Variants in SLC2A4RG observed in about 807,000 individuals in gnomAD.
SLC2A4RG encodes the protein SLC2A4 regulator.
A neutral mutation model predicts 35.5 loss-of-function variants in SLC2A4RG; 23 were observed. The observed-to-expected ratio is 0.65, with a 90% CI of 0.47 to 0.92. SLC2A4RG has a LOEUF of 0.92. Among genes scored for constraint, SLC2A4RG ranks in the 40% least tolerant of loss-of-function variants. The probability of loss-of-function intolerance (pLI) is 0.00; values close to 1 mark genes in which losing one functional copy is unlikely to be tolerated. For missense variants in SLC2A4RG, 539 were observed against 525.0 expected (o/e 1.03, Z -0.26); for synonymous variants, 306 against 243.7 (o/e 1.26, Z -2.38).
chr20:63,741,314 G>A, intron 2 of SLC2A4RG, 56 bp from the exon 3 acceptor site: 2 of 1,542,154 alleles, frequency 1.3e-6, no homozygotes, highest in South Asian at 1.1e-5. Flanking sequence ...GACCGACCAG[G>A]GGAGGGGCCC....
In SLC2A4RG at chr20:63,743,402, G is replaced by A. The variant is rs937337874; in HGVS notation, c.*412G>A. The A allele has an allele frequency of 6.1e-6, 1 of 164,858 alleles. No individual in the cohort carries two copies. The highest frequency in any genetic ancestry group is 2.4e-5 in the African/African-American group (1 of 41,802). 10.2% of individuals were successfully genotyped at this position (164,858 alleles called of 1,614,324 possible). ...TCGCACTTAACTCAACGGCTCTCGGGCCCTGGGGCTGTTTTTACCATGTTT... is the reference window on the plus strand; with the variant it reads ...TCGCACTTAACTCAACGGCTCTCGGACCCTGGGGCTGTTTTTACCATGTTT... On this transcript the variant is annotated 3_prime_UTR_variant, in exon 8 of 8. Transcript: ENST00000266077.
intron 5 of SLC2A4RG, 21 bp from the exon 6 acceptor site, chr20:63,742,315 G>C: frequency 6.3e-7 from 1 of 1,575,424 alleles, no homozygotes; most frequent in African/African-American, 2.1e-5. Flanking sequence ...AGCTCCCACT[G>C]GCTGGCTGTG....
At chr20:63,740,965 C>T (rs927599794) in intron 2 of SLC2A4RG, among the ~76,000 whole-genome samples, 4 of 152,210 alleles carry the variant, frequency 2.6e-5, no homozygotes, top group African/African-American at 9.6e-5. Flanking sequence ...CCCCTGGCTG[C>T]TGCCGGCTGC....
At chr20:63,741,321 G>A (rs1386175596) in intron 2 of SLC2A4RG, 49 bp from the exon 3 acceptor site, 3 of 1,560,974 alleles carry the variant, frequency 1.9e-6, no homozygotes. Flanking sequence ...CAGGGGAGGG[G>A]CCCAGAGCTC....
chr20:63,741,696 C>T (rs541179020), intron 3 of SLC2A4RG, among the ~76,000 whole-genome samples, 173 bp from the exon 4 acceptor site: 3 of 152,362 alleles, frequency 2.0e-5, no homozygotes, highest in Non-Finnish European at 2.9e-5. Context: ...TGGCCACACA[C>T]GTCTGCCAAC....
intron 3 of SLC2A4RG, 43 bp downstream of exon 3, chr20:63,741,522 G>C: frequency 1.3e-6 from 2 of 1,561,348 alleles, no homozygotes; most frequent in South Asian, 2.3e-5. Context: ...GGTGGGGACA[G>C]GGCTCAGAAC....
rs190244964 is a variant in SLC2A4RG, at chr20:63,741,358, C to T, written c.282-12C>T. 15 of 1,611,536 alleles carry T rather than the reference C, an allele frequency of 9.3e-6. No homozygotes were observed. The highest frequency in any genetic ancestry group is 1.8e-4 in the Middle Eastern group (1 of 5,630). ...GGCTGGGTCACCCGCACCCCGCCCC[C>T]ATCTCCTCCAGAGCCACCCCAGGAA... On this transcript the variant is annotated splice_polypyrimidine_tract_variant and intron_variant, in intron 2 of 7. Coordinates refer to ENST00000266077, the MANE Select transcript of SLC2A4RG (RefSeq NM_020062.4).
rs1436766824 is a variant in SLC2A4RG at position 63,743,006 on chromosome 20, G to C, written c.*16G>C. The C allele has an allele frequency of 6.3e-7, 1 of 1,588,680 alleles. No homozygotes were observed. The highest frequency in any genetic ancestry group is 1.1e-5 in the South Asian group (1 of 88,872). On this transcript the variant is annotated 3_prime_UTR_variant, in exon 8 of 8. Transcript: ENST00000266077. ...CCTGGACTAAGTCCGGCTCGTTCAA[G>C]AACATAAGCTACCACCTTCTCCCTC...
chr20:63,740,468 C>T lies in SLC2A4RG; in HGVS notation c.218C>T (p.Thr73Met). ...GCCTCGGACCTGGGGGCCCCCCGGACGTGGACGGGGGCGGCGGCGGGGCCC... is the reference window on the plus strand; with the variant it reads ...GCCTCGGACCTGGGGGCCCCCCGGATGTGGACGGGGGCGGCGGCGGGGCCC... ...PRASDLGAPR[T>M]WTGAAAGPRT... The change falls in exon 2 of 8, where the codon ACG becomes ATG. Residue 73 changes from threonine (T) to methionine (M), a missense_variant. Transcript: ENST00000266077. 1.6e-6 allele frequency: 2 copies of T among 1,229,808 alleles called. No individual in the cohort carries two copies. The highest frequency in any genetic ancestry group is 4.1e-5 in the South Asian group (1 of 24,356). 76.2% of individuals were successfully genotyped at this position (1,229,808 alleles called of 1,614,324 possible).
In SLC2A4RG at chr20:63,742,014, A is replaced by G. The variant is rs187381859; in HGVS notation, c.537A>G (p.Ala179=). The G allele has an allele frequency of 6.2e-7, 1 of 1,612,670 alleles. No individual in the cohort carries two copies. The highest frequency in any genetic ancestry group is 1.7e-5 in the Admixed American group (1 of 60,002). Residue 179 remains alanine (A), a synonymous_variant, in exon 4 of 8, where the codon GCA becomes GCG. Coordinates refer to ENST00000266077, the MANE Select transcript of SLC2A4RG (RefSeq NM_020062.4). The part of the protein sequence containing the change: ...STPSPPLPPE[A]AHFLFGEPTL... ...CGTCACCCCCACTGCCCCCCGAGGCAGCCCACTTTCTGTTTGGGGAGCCCA... is the reference window on the plus strand; with the variant it reads ...CGTCACCCCCACTGCCCCCCGAGGCGGCCCACTTTCTGTTTGGGGAGCCCA...
In SLC2A4RG at chr20:63,742,404, T is replaced by A; in HGVS notation, c.749T>A (p.Val250Glu). The A allele has an allele frequency of 6.2e-7, 1 of 1,611,428 alleles. No individual in the cohort carries two copies. The highest frequency in any genetic ancestry group is 8.5e-7 in the Non-Finnish European group (1 of 1,179,380). ...TACTACACAGAGCTGGATGTTGGTG[T>A]GGACACGCTGACCGACGGGCTGTCC... ...DFYYTELDVG[V>E]DTLTDGLSSL... The change falls in exon 6 of 8, where the codon GTG (valine) becomes GAG (glutamate). Residue 250 changes from valine to glutamate, a missense_variant. Val to Glu is a moderately radical substitution (Grantham distance 121, BLOSUM62 -2). Coordinates refer to ENST00000266077, the MANE Select transcript of SLC2A4RG (RefSeq NM_020062.4).
At position 63,742,002 on chromosome 20, in the gene SLC2A4RG, G is replaced by A. The variant is rs748855736; in HGVS notation, c.525G>A (p.Leu175=). ...CTCCGTCCACCCCGTCACCCCCACT[G>A]CCCCCCGAGGCAGCCCACTTTCTGT... is the stretch of plus-strand genomic sequence containing the variant. ...QSSPSTPSPP[L]PPEAAHFLFG... Residue 175 remains leucine (L), a synonymous_variant, in exon 4 of 8, where the codon CTG becomes CTA. Transcript: ENST00000266077. 3 of 1,612,844 alleles carry A rather than the reference G, an allele frequency of 1.9e-6. No homozygotes were observed. The highest frequency in any genetic ancestry group is 2.5e-6 in the Non-Finnish European group (3 of 1,179,666).
Position 63,742,390 on chromosome 20 carries a change from G to GC in SLC2A4RG, c.736dup (p.Leu246ProfsTer44). The GC allele has an allele frequency of 6.2e-7, 1 of 1,611,918 alleles. No individual in the cohort carries two copies. Among genetic ancestry groups the GC allele is most frequent in the Middle Eastern group, 1.7e-4 (1 of 5,848 alleles). On this transcript the variant is annotated frameshift_variant, in exon 6 of 8. Coordinates refer to ENST00000266077, the MANE Select transcript of SLC2A4RG (RefSeq NM_020062.4). LOFTEE classifies it high-confidence loss of function. ...GTGAGGAGGACTTCTACTACACAGA[G>GC]CTGGATGTTGGTGTGGACACGCTGA...
intron 2 of SLC2A4RG, 43 bp from the exon 3 acceptor site, chr20:63,741,327 A>G (rs1226180239): frequency 6.3e-7 from 1 of 1,579,836 alleles, no homozygotes; most frequent in Admixed American, 1.7e-5. Flanking sequence ...AGGGGCCCAG[A>G]GCTCTGGCTG....
chr20:63,742,886 C>T lies in SLC2A4RG; in HGVS notation c.1060C>T (p.Arg354Cys), dbSNP rs193920971. Residue 354 changes from arginine (R) to cysteine (C), a missense_variant, in exon 8 of 8, where the codon CGC becomes TGC. Coordinates refer to ENST00000266077, the MANE Select transcript of SLC2A4RG (RefSeq NM_020062.4). ...CTGTGACCCCCCGCACAGGAAGCCC[C>T]GCGGCGACGCGAAGAAGTGCCGGAA... ...SRIGVTLRKP[R>C]GDAKKCRKVY... The T allele has an allele frequency of 4.3e-6, 7 of 1,611,240 alleles. No homozygotes were observed. Among genetic ancestry groups the T allele is most frequent in the Non-Finnish European group, 5.1e-6 (6 of 1,179,092 alleles).
intron 2 of SLC2A4RG, among the ~76,000 whole-genome samples, 184 bp downstream of exon 2, chr20:63,740,715 C>T (rs947604023): frequency 4.4e-4 from 67 of 152,348 alleles, no homozygotes; most frequent in Admixed American, 7.8e-4. Context: ...CCCTACACCT[C>T]CCTCCACCGC....
chr20:63,742,317 C>T lies in SLC2A4RG; in HGVS notation c.681-19C>T, dbSNP rs774171755. Reference sequence around the variant, plus strand: ...AGGCCACCCCTTCAGCTCCCACTGGCTGGCTGTGTCTCCCGCAGGAGGCAG... The same window carrying T: ...AGGCCACCCCTTCAGCTCCCACTGGTTGGCTGTGTCTCCCGCAGGAGGCAG... On this transcript the variant is annotated intron_variant, in intron 5 of 7. Coordinates refer to ENST00000266077, the MANE Select transcript of SLC2A4RG (RefSeq NM_020062.4). The T allele has an allele frequency of 4.4e-6, 7 of 1,590,786 alleles. 1 individual carries two copies. In the South Asian group the frequency reaches 5.5e-5, roughly 13 times the overall value.
Position 63,741,429 on chromosome 20 carries a change from T to A in SLC2A4RG, c.341T>A (p.Leu114Gln), listed in dbSNP as rs755815764. ...ATGGCTGCCGCTGCCCTTACAAGCC[T>A]GTCCACCAGCCCTCTCCTTCTGGGG... ...EVMAAAALTS[L>Q]STSPLLLGAP... The change falls in exon 3 of 8, where the codon CTG (leucine) becomes CAG (glutamine). Residue 114 changes from leucine (L) to glutamine (Q), a missense_variant. Leu to Gln is a moderately radical substitution (Grantham distance 113). Coordinates refer to ENST00000266077, the MANE Select transcript of SLC2A4RG (RefSeq NM_020062.4). 1.2e-6 allele frequency: 2 copies of A among 1,613,488 alleles called. No individual in the cohort carries two copies. The highest frequency in any genetic ancestry group is 3.3e-5 in the Admixed American group (2 of 60,010).
chr20:63,742,136 G>A lies in SLC2A4RG; in HGVS notation c.586G>A (p.Ala196Thr), dbSNP rs1407622666. 3 of 1,603,850 alleles carry A rather than the reference G, an allele frequency of 1.9e-6. No individual in the cohort carries two copies. In the African/African-American group the frequency reaches 4.0e-5, roughly 22 times the overall value. Reference sequence around the variant, plus strand: ...CTGGCCCCTGTTGCTGCAGAGCCCGGCCCAGGTCATGTTCCAGTGTCTGTG... The same window carrying A: ...CTGGCCCCTGTTGCTGCAGAGCCCGACCCAGGTCATGTTCCAGTGTCTGTG... ...EPTLRKRKSP[A>T]QVMFQCLWKS... Residue 196 changes from alanine to threonine, a missense_variant, in exon 5 of 8, where the codon GCC becomes ACC. Ala to Thr is a moderately conservative substitution (Grantham distance 58). Coordinates refer to ENST00000266077, the MANE Select transcript of SLC2A4RG (RefSeq NM_020062.4).
Sources: allele counts gnomAD v4.1 joint callset (sites outside exome capture counted in the v4.1 genomes callset), GRCh38; gene constraint gnomAD v4.1.1; transcripts MANE v1.5; gene names NCBI Gene and HGNC (gene_info 2026-07-23, HGNC 2026-07-21).